GPAT3: variants seen among roughly 807,000 people sequenced by gnomAD.
GPAT3 encodes 1-AGP acyltransferase 9.
Under a neutral mutation model 58.8 loss-of-function variants are expected in GPAT3, and 53 were observed. The observed-to-expected ratio is 0.90, with a 90% CI of 0.72 to 1.13. GPAT3 has a LOEUF of 1.13. GPAT3 is among the 50% of genes most tolerant of loss of function. The probability of loss-of-function intolerance (pLI) is 0.00; values close to 1 mark genes in which losing one functional copy is unlikely to be tolerated. For missense variants in GPAT3, 511 were observed against 527.6 expected (o/e 0.97, Z 0.31); for synonymous variants, 197 against 187.4 (o/e 1.05, Z -0.42).
rs377296185 is a variant in GPAT3, at chr4:83,550,116, C to T, written c.208+5514C>T. Among the ~76,000 whole-genome samples the T allele has an allele frequency of 6.6e-5, 10 of 152,078 alleles. No individual in the cohort carries two copies. The East Asian group carries it at 7.7e-4, about 12-fold the overall frequency. On this transcript the variant is annotated intron_variant, in intron 2 of 11. Transcript: ENST00000264409. ...ATGGTCTTAAGTGATTCTCCTGCCT[C>T]GGCCCCCTAGGTGCTAGGATTGCAG... is the stretch of plus-strand genomic sequence containing the variant.
intron 2 of GPAT3, among the ~76,000 whole-genome samples, chr4:83,560,933 G>A (rs553392114): frequency 6.6e-6 from 1 of 152,288 alleles, no homozygotes; most frequent in South Asian, 2.1e-4. Context: ...AGAAGCAGAT[G>A]CTGCCATGCT....
chr4:83,566,230 C>T (rs112365382), intron 2 of GPAT3, among the ~76,000 whole-genome samples: 1 of 151,956 alleles, frequency 6.6e-6, no homozygotes, highest in Non-Finnish European at 1.5e-5. Context: ...GTAGAGACGG[C>T]ATTTCACCAT....
intron 2 of GPAT3, among the ~76,000 whole-genome samples, chr4:83,552,829 T>G (rs1274713996): frequency 6.6e-6 from 1 of 152,108 alleles, no homozygotes; most frequent in African/African-American, 2.4e-5. Context: ...GGTGGGGCCT[T>G]TGGGAGGTAA....
At chr4:83,597,746 T>C (rs1448216225) in intron 9 of GPAT3, among the ~76,000 whole-genome samples, 1 of 152,176 alleles carries the variant, frequency 6.6e-6, no homozygotes, top group Non-Finnish European at 1.5e-5. Context: ...CTCATAGTGT[T>C]AAGTGAAACA....
In GPAT3 at chr4:83,536,525, C is replaced by T. The variant is rs2110065476; in HGVS notation, c.-98C>T. ...GCAGAGGTGAGTGCCGGGCTCGGCG[C>T]TCTGCTCCTGGAGCTCCCGCGGGAC... On this transcript the variant is annotated 5_prime_UTR_variant, in exon 1 of 12. Transcript: ENST00000264409. 6.6e-7 allele frequency: 1 copy of T among 1,518,436 alleles called. No individual in the cohort carries two copies. Among genetic ancestry groups the T allele is most frequent in the South Asian group, 1.3e-5 (1 of 76,276 alleles). The allele number at this position is 1,518,436 out of a possible 1,614,324, so 94.1% of individuals were successfully genotyped here. A position where few individuals can be genotyped will look rare whatever the true frequency, so the allele number is the denominator to read the frequency against.
At chr4:83,583,699 G>GAAAAAAAAAAAAAAAAAAA (rs1726256194) in intron 3 of GPAT3, among the ~76,000 whole-genome samples, 1 of 81,412 alleles carries the variant, frequency 1.2e-5, no homozygotes, top group African/African-American at 5.7e-5. Flanking sequence ...AAAAAAAAAT[G>GAAAAAAAAAAAAAAAAAAA]AAGCTGGGCC....
chr4:83,583,669 A>AG lies in GPAT3; in HGVS notation c.479+1837_479+1838insG, dbSNP rs55710396. 3.6e-3 allele frequency among the ~76,000 whole-genome samples: 345 copies of AG among 96,298 alleles called. 4 individuals carry two copies. Among genetic ancestry groups the AG allele is most frequent in the East Asian group, 0.011 (29 of 2,534 alleles). 63.2% of individuals were successfully genotyped at this position (96,298 alleles called of 152,430 possible). A position where few individuals can be genotyped will look rare whatever the true frequency, so the allele number is the denominator to read the frequency against. ...GTGACAGAGCGAGACTCTTGTCTGA[A>AG]AAAAAAAAAAAAAAAAAAAAAAAAA... On this transcript the variant is annotated intron_variant, in intron 3 of 11. Transcript: ENST00000264409.
chr4:83,551,630 A>T (rs2110076211), intron 2 of GPAT3, among the ~76,000 whole-genome samples: 1 of 151,988 alleles, frequency 6.6e-6, no homozygotes, highest in Non-Finnish European at 1.5e-5. Flanking sequence ...GGTCTCTACT[A>T]AAAATACGAA....
chr4:83,575,095 C>G (rs1725753888), intron 2 of GPAT3, among the ~76,000 whole-genome samples: 1 of 151,984 alleles, frequency 6.6e-6, no homozygotes, highest in African/African-American at 2.4e-5. Context: ...CCAGGATGGT[C>G]TCGATCTCCT....
At chr4:83,539,626 A>G (rs1014849072) in intron 1 of GPAT3, among the ~76,000 whole-genome samples, 3 of 152,118 alleles carry the variant, frequency 2.0e-5, no homozygotes, top group African/African-American at 7.3e-5. Context: ...TCAAGTAATT[A>G]TCATTTATTG....
chr4:83,594,544 A>G (rs1050743787), intron 6 of GPAT3, among the ~76,000 whole-genome samples: 1 of 152,210 alleles, frequency 6.6e-6, no homozygotes, highest in Non-Finnish European at 1.5e-5. Context: ...TGGGTTTGAA[A>G]AGGTATTTCA....
At chr4:83,561,939 A>G (rs146940472) in intron 2 of GPAT3, among the ~76,000 whole-genome samples, 2 of 151,374 alleles carry the variant, frequency 1.3e-5, no homozygotes, top group Admixed American at 1.3e-4. Flanking sequence ...CGTAAGTTTG[A>G]TATAATTGGT....
chr4:83,590,549 T>C (rs1726557357), intron 6 of GPAT3, among the ~76,000 whole-genome samples: 1 of 152,228 alleles, frequency 6.6e-6, no homozygotes. Flanking sequence ...AATAGGACCT[T>C]GTAAAGTTGA....
In GPAT3 at chr4:83,598,719, C is replaced by G; in HGVS notation, c.1201C>G (p.Pro401Ala). Residue 401 changes from proline (P) to alanine (A), a missense_variant, in exon 11 of 12, where the codon CCC (proline) becomes GCC (alanine). Physicochemically the swap from Pro to Ala is conservative, Grantham distance 27. Transcript: ENST00000264409. ...IAIQGGLTEL[P>A]WDGGLKRAKV... ...TATACAAGGAGGCCTGACTGAACTT[C>G]CCTGGTAAGAGAACTTTCAGAAGTA... The G allele has an allele frequency of 2.6e-6, 3 of 1,160,186 alleles. No homozygotes were observed. The highest frequency in any genetic ancestry group is 3.6e-6 in the Non-Finnish European group (3 of 823,582). 71.9% of individuals were successfully genotyped at this position (1,160,186 alleles called of 1,614,324 possible).
intron 1 of GPAT3, among the ~76,000 whole-genome samples, chr4:83,542,993 CCTT>C (rs555427890): frequency 2.8e-3 from 424 of 151,838 alleles, no homozygotes; most frequent in African/African-American, 9.7e-3. Context: ...AGCGAAAACT[CCTT>C]CTCAAAAAGT....
chr4:83,586,725 G>A (rs1409670179), intron 3 of GPAT3, among the ~76,000 whole-genome samples: 2 of 152,200 alleles, frequency 1.3e-5, no homozygotes, highest in African/African-American at 4.8e-5. Flanking sequence ...TCAAAAAGAA[G>A]GCAATGTCTA....
chr4:83,600,325 A>C (rs1401217727), intron 11 of GPAT3, among the ~76,000 whole-genome samples: 1 of 102,426 alleles, frequency 9.8e-6, no homozygotes, highest in Non-Finnish European at 2.3e-5. Context: ...AAGGGCACTA[A>C]TCCCATGAGT....
At chr4:83,549,419 G>A (rs1047341506) in intron 2 of GPAT3, among the ~76,000 whole-genome samples, 4 of 149,424 alleles carry the variant, frequency 2.7e-5, no homozygotes, top group Non-Finnish European at 4.4e-5. Flanking sequence ...AAGGATTATA[G>A]GTTGGGGCTT....
intron 2 of GPAT3, among the ~76,000 whole-genome samples, chr4:83,558,466 T>G (rs1447053230): frequency 1.3e-5 from 2 of 152,174 alleles, no homozygotes; most frequent in Admixed American, 6.5e-5. Flanking sequence ...CACACAGCCA[T>G]GACTGAACCA....
Sources: gnomAD v4.1 joint callset for allele counts (sites outside exome capture counted in the v4.1 genomes callset) on GRCh38, gnomAD v4.1.1 for gene constraint, MANE v1.5 for transcripts, NCBI Gene and HGNC (gene_info 2026-07-23, HGNC 2026-07-21) for gene names.